Variants in LAMA2 observed in about 807,000 individuals in gnomAD.
LAMA2 encodes laminin subunit alpha 2.
Under a neutral mutation model 364.8 loss-of-function variants are expected in LAMA2, and 269 were observed. The observed-to-expected ratio is 0.74, with a 90% CI of 0.67 to 0.82. The LOEUF (loss-of-function observed/expected upper bound fraction) is 0.82. Among genes scored for constraint, LAMA2 ranks in the 40% least tolerant of loss-of-function variants. LAMA2 has a pLI of 0.00. For synonymous variants in LAMA2, 1,379 were observed against 1,370.6 expected (o/e 1.01, Z -0.14); for missense variants, 3,807 against 3,873.2 (o/e 0.98, Z 0.45).
At chr6:129,309,858 A>T (rs959403389) in intron 22 of LAMA2, among the ~76,000 whole-genome samples, 23 of 152,158 alleles carry the variant, frequency 1.5e-4, no homozygotes, top group Admixed American at 1.5e-3. Context: ...AGATAGAAAA[A>T]TACTTACCTA....
At chr6:128,994,250 A>G (rs115144189) in intron 1 of LAMA2, among the ~76,000 whole-genome samples, 3,173 of 152,320 alleles carry the variant, frequency 0.021, 112 homozygotes, top group African/African-American at 0.072. Flanking sequence ...TTATTGCATT[A>G]GCTTAGTCAG....
intron 1 of LAMA2, among the ~76,000 whole-genome samples, chr6:128,953,712 A>G (rs538189709): frequency 2.0e-5 from 3 of 152,054 alleles, no homozygotes; most frequent in East Asian, 3.9e-4. Context: ...TCAATATATT[A>G]TAATAAAATT....
intron 4 of LAMA2, among the ~76,000 whole-genome samples, chr6:129,140,838 A>G (rs185258406): frequency 6.6e-6 from 1 of 152,108 alleles, no homozygotes; most frequent in Admixed American, 6.6e-5. Context: ...GACTAACTAT[A>G]TTCACAAGAT....
chr6:129,364,563 G>A (rs1583580586), intron 32 of LAMA2, among the ~76,000 whole-genome samples: 1 of 151,990 alleles, frequency 6.6e-6, no homozygotes, highest in African/African-American at 2.4e-5. Context: ...TTTTAAATCT[G>A]CTAAAAGATT....
rs745715079 is a variant in LAMA2 at position 129,050,102 on chromosome 6, T to C, written c.283+14T>C. The C allele has an allele frequency of 1.2e-6, 2 of 1,613,724 alleles. No individual in the cohort carries two copies. The highest frequency in any genetic ancestry group is 1.1e-5 in the South Asian group (1 of 91,080). ...GCAATCCAAACCGTATGTATTTTAG[T>C]GTGTAGGTGTGTGGCGCTGGGTAGG... On this transcript the variant is annotated intron_variant, in intron 2 of 64. Transcript: ENST00000421865.
At chr6:129,512,599 C>A in intron 63 of LAMA2, 106 bp downstream of exon 63, 2 of 1,261,730 alleles carry the variant, frequency 1.6e-6, no homozygotes, top group Non-Finnish European at 2.3e-6. Flanking sequence ...CGGCTGTATT[C>A]TTTGTTGGGA....
intron 12 of LAMA2, among the ~76,000 whole-genome samples, chr6:129,236,684 C>T (rs1785001708): frequency 1.3e-5 from 2 of 152,010 alleles, no homozygotes; most frequent in Admixed American, 1.3e-4. Flanking sequence ...TATTTCTATT[C>T]TTCCATGTTT....
chr6:129,285,656 T>C (rs187147328), intron 18 of LAMA2, among the ~76,000 whole-genome samples: 69 of 152,200 alleles, frequency 4.5e-4, no homozygotes, highest in African/African-American at 1.7e-3. Context: ...GTAAACAAAA[T>C]GAGATGTGAA....
At chr6:128,910,071 T>A (rs1777793280) in intron 1 of LAMA2, among the ~76,000 whole-genome samples, 1 of 151,792 alleles carries the variant, frequency 6.6e-6, no homozygotes, top group Non-Finnish European at 1.5e-5. Context: ...CCCTTAACAT[T>A]TTTTCCTTCA....
intron 4 of LAMA2, among the ~76,000 whole-genome samples, chr6:129,128,499 C>T (rs147787288): frequency 1.2e-4 from 19 of 152,034 alleles, no homozygotes; most frequent in East Asian, 5.8e-4. Flanking sequence ...TGGTTCCGTG[C>T]GATTTTAAAA....
chr6:129,461,312 T>C (rs1160693803), intron 49 of LAMA2, among the ~76,000 whole-genome samples: 1 of 152,060 alleles, frequency 6.6e-6, no homozygotes, highest in African/African-American at 2.4e-5. Context: ...TAGAGTTTCA[T>C]AGAAGAAAGT....
At chr6:129,279,902 C>T (rs762465405) in intron 17 of LAMA2, among the ~76,000 whole-genome samples, 159 bp from the exon 18 acceptor site, 60 of 152,162 alleles carry the variant, frequency 3.9e-4, no homozygotes, top group Middle Eastern at 6.3e-3. Context: ...TCATTTCATC[C>T]TCCATTGGCC....
intron 12 of LAMA2, among the ~76,000 whole-genome samples, chr6:129,222,172 T>G (rs1783899688): frequency 6.6e-6 from 1 of 152,016 alleles, no homozygotes; most frequent in African/African-American, 2.4e-5. Context: ...AACAAAGTAA[T>G]AAGCCAGGGA....
At chr6:129,136,475 A>T (rs1381039221) in intron 4 of LAMA2, among the ~76,000 whole-genome samples, 3 of 152,056 alleles carry the variant, frequency 2.0e-5, no homozygotes, top group African/African-American at 7.2e-5. Context: ...TAGAAAAAGA[A>T]AATGTTACAG....
chr6:129,178,975 G>C (rs909199036), intron 10 of LAMA2, among the ~76,000 whole-genome samples: 1 of 152,170 alleles, frequency 6.6e-6, no homozygotes, highest in Non-Finnish European at 1.5e-5. Flanking sequence ...TGTGGACACA[G>C]TAAGCAGAAA....
At chr6:128,959,204 C>T (rs1009866701) in intron 1 of LAMA2, among the ~76,000 whole-genome samples, 6 of 151,978 alleles carry the variant, frequency 3.9e-5, no homozygotes, top group African/African-American at 9.7e-5. Flanking sequence ...TATTAAACTC[C>T]CTTCAGTATG....
At chr6:129,019,526 A>G (rs1013895452) in intron 1 of LAMA2, among the ~76,000 whole-genome samples, 2 of 151,768 alleles carry the variant, frequency 1.3e-5, no homozygotes, top group African/African-American at 4.8e-5. Flanking sequence ...CTTTATTTTA[A>G]AAGATTTGTA....
intron 34 of LAMA2, among the ~76,000 whole-genome samples, chr6:129,382,605 G>T (rs1241555036): frequency 2.6e-5 from 4 of 152,138 alleles, no homozygotes; most frequent in East Asian, 1.9e-4. Flanking sequence ...TATAAAACAG[G>T]CATTTACTAC....
intron 10 of LAMA2, 67 bp downstream of exon 10, chr6:129,177,933 T>A (rs1002028383): frequency 1.3e-6 from 2 of 1,507,730 alleles, no homozygotes; most frequent in African/African-American, 2.7e-5. Context: ...GCTTCTCTGT[T>A]GATTTCCTTG....
Sources: gnomAD v4.1 joint callset for allele counts (sites outside exome capture counted in the v4.1 genomes callset) on GRCh38, gnomAD v4.1.1 for gene constraint, MANE v1.5 for transcripts, NCBI Gene and HGNC (gene_info 2026-07-23, HGNC 2026-07-21) for gene names.